Variants in ARHGAP24 observed in about 807,000 individuals in gnomAD.
ARHGAP24 encodes the protein Rho GTPase activating protein 24, also known as rho GTPase-activating protein 24.
ARHGAP24 carries 50 observed loss-of-function variants against 76.4 expected under a neutral mutation model. That is an observed-to-expected ratio of 0.65 (90% CI 0.52 to 0.83). ARHGAP24 has a LOEUF of 0.83. Ranked by LOEUF, ARHGAP24 falls within the 40% of genes least tolerant of loss-of-function variation. ARHGAP24 has a pLI of 0.00. For missense variants in ARHGAP24, 930 were observed against 914.2 expected (o/e 1.02, Z -0.22); for synonymous variants, 345 against 323.3 (o/e 1.07, Z -0.72).
At chr4:85,676,942 T>G (rs1174850933) in intron 2 of ARHGAP24, among the ~76,000 whole-genome samples, 2 of 152,042 alleles carry the variant, frequency 1.3e-5, no homozygotes, top group African/African-American at 4.8e-5. Context: ...TGGCAGCACA[T>G]GAAACAAGCA....
At chr4:85,599,788 T>C (rs1260241745) in intron 2 of ARHGAP24, among the ~76,000 whole-genome samples, 2 of 152,202 alleles carry the variant, frequency 1.3e-5, no homozygotes, top group East Asian at 3.8e-4. Flanking sequence ...AATTCTATAA[T>C]TGCAGAAATT....
chr4:85,718,885 T>G (rs922967972), intron 2 of ARHGAP24, among the ~76,000 whole-genome samples: 3 of 152,196 alleles, frequency 2.0e-5, no homozygotes, highest in Admixed American at 6.6e-5. Context: ...ATGTGATAGC[T>G]TAAGATTTCA....
At chr4:85,997,656 T>G (rs1344879137) in intron 9 of ARHGAP24, among the ~76,000 whole-genome samples, 1 of 152,138 alleles carries the variant, frequency 6.6e-6, no homozygotes, top group African/African-American at 2.4e-5. Context: ...TCTTATTTTT[T>G]TTTATGTTTT....
intron 2 of ARHGAP24, chr4:85,686,658 A>G (rs1723433015): frequency 6.6e-6 from 1 of 152,218 alleles, no homozygotes; most frequent in African/African-American, 2.4e-5. Flanking sequence ...TGCATACATT[A>G]AACAAGTCCG....
intron 4 of ARHGAP24, among the ~76,000 whole-genome samples, chr4:85,940,944 A>G (rs948830819): frequency 6.6e-6 from 1 of 152,192 alleles, no homozygotes; most frequent in African/African-American, 2.4e-5. Flanking sequence ...ATTATTTTAC[A>G]GGTGGGGAGG....
intron 1 of ARHGAP24, among the ~76,000 whole-genome samples, chr4:85,539,830 G>C (rs993291179): frequency 6.6e-6 from 1 of 152,112 alleles, no homozygotes; most frequent in Non-Finnish European, 1.5e-5. Flanking sequence ...TGAGGTGGGT[G>C]GATCACCTGA....
chr4:85,665,439 G>A (rs1226739571), intron 2 of ARHGAP24, among the ~76,000 whole-genome samples: 2 of 152,166 alleles, frequency 1.3e-5, no homozygotes, highest in African/African-American at 4.8e-5. Context: ...CCTGAATACA[G>A]CACACTGATG....
chr4:85,867,333 G>T (rs1732250775), intron 3 of ARHGAP24, among the ~76,000 whole-genome samples: 1 of 152,000 alleles, frequency 6.6e-6, no homozygotes, highest in Non-Finnish European at 1.5e-5. Flanking sequence ...GTGTAATATG[G>T]ATCTTATTGT....
At chr4:85,628,233 C>A (rs931092485) in intron 2 of ARHGAP24, among the ~76,000 whole-genome samples, 1 of 152,050 alleles carries the variant, frequency 6.6e-6, no homozygotes, top group Admixed American at 6.6e-5. Flanking sequence ...CCCTTAATTT[C>A]TTCTTTGACT....
At chr4:85,495,739 C>T (rs1009542828) in intron 1 of ARHGAP24, among the ~76,000 whole-genome samples, 4 of 152,146 alleles carry the variant, frequency 2.6e-5, no homozygotes, top group African/African-American at 7.2e-5. Flanking sequence ...AACAGTGTAT[C>T]AGAATGTAAT....
At chr4:85,733,249 G>C (rs35253588) in intron 3 of ARHGAP24, among the ~76,000 whole-genome samples, 1 of 150,364 alleles carries the variant, frequency 6.7e-6, no homozygotes, top group Non-Finnish European at 1.5e-5. Flanking sequence ...ATTTTTAGCA[G>C]AGACAGGGTT....
At chr4:85,860,353 A>G (rs1032240542) in intron 3 of ARHGAP24, among the ~76,000 whole-genome samples, 1 of 152,108 alleles carries the variant, frequency 6.6e-6, no homozygotes, top group African/African-American at 2.4e-5. Flanking sequence ...AGGAACTGCA[A>G]TTTACAGAGA....
intron 8 of ARHGAP24, among the ~76,000 whole-genome samples, chr4:85,979,060 C>T (rs777620905): frequency 6.6e-5 from 10 of 152,134 alleles, no homozygotes; most frequent in Non-Finnish European, 1.2e-4. Flanking sequence ...TGTTGATCCA[C>T]GGATTTGTTG....
chr4:85,890,611 T>C (rs1733832554), intron 3 of ARHGAP24, among the ~76,000 whole-genome samples: 1 of 152,004 alleles, frequency 6.6e-6, no homozygotes, highest in East Asian at 1.9e-4. Flanking sequence ...AATAAAGAGG[T>C]GCAGGAGGGA....
chr4:85,640,951 A>G (rs184343074), intron 2 of ARHGAP24, among the ~76,000 whole-genome samples: 5 of 152,270 alleles, frequency 3.3e-5, no homozygotes, highest in Admixed American at 2.6e-4. Context: ...GCAAATACAG[A>G]ATTCATTTGA....
chr4:85,956,353 A>G (rs1183555560), intron 5 of ARHGAP24, among the ~76,000 whole-genome samples: 3 of 152,204 alleles, frequency 2.0e-5, no homozygotes, highest in Non-Finnish European at 4.4e-5. Context: ...ACAAAATTTG[A>G]TAACTATTGT....
At chr4:85,682,043 G>A (rs1457547561) in intron 2 of ARHGAP24, among the ~76,000 whole-genome samples, 1 of 147,654 alleles carries the variant, frequency 6.8e-6, no homozygotes. Flanking sequence ...ATAGTATAGA[G>A]CATAATTTAA....
chr4:85,841,571 T>C (rs974279462), intron 3 of ARHGAP24, among the ~76,000 whole-genome samples: 2 of 152,234 alleles, frequency 1.3e-5, no homozygotes, highest in Non-Finnish European at 2.9e-5. Flanking sequence ...TAGCAGTAGC[T>C]TTGCACATTT....
At chr4:85,608,266 T>A (rs1720268723) in intron 2 of ARHGAP24, among the ~76,000 whole-genome samples, 5 of 152,130 alleles carry the variant, frequency 3.3e-5, no homozygotes, top group Admixed American at 3.3e-4. Context: ...AAATACGGTA[T>A]GCTAATATGG....
Sources: gnomAD v4.1 joint callset for allele counts (sites outside exome capture counted in the v4.1 genomes callset) on GRCh38, gnomAD v4.1.1 for gene constraint, MANE v1.5 for transcripts, NCBI Gene and HGNC (gene_info 2026-07-23, HGNC 2026-07-21) for gene names.